The following RPGR variants were observed in gnomAD, a reference collection of about 807,000 sequenced individuals.
RPGR encodes X-linked retinitis pigmentosa GTPase regulator.
In RPGR, 10 loss-of-function variants were observed where a neutral mutation model predicts 56.3. That is an observed-to-expected ratio of 0.18 (90% CI 0.11 to 0.30). RPGR has a LOEUF of 0.30. Ranked by LOEUF, RPGR falls within the 10% of genes least tolerant of loss-of-function variation. The pLI is 1.00. For missense variants in RPGR, 538 were observed against 590.9 expected, an observed-to-expected ratio of 0.91 and a Z score of 0.93; for synonymous variants, 197 against 212.9, an observed-to-expected ratio of 0.93 and a Z score of 0.65.
rs749751387 is a variant in RPGR at position 38,314,962 on chromosome X, T to A, written c.619+2354A>T. 3.6e-5 allele frequency among the ~76,000 whole-genome samples: 4 copies of A among 111,772 alleles called. No homozygotes were observed. The East Asian group carries it at 1.1e-3, about 31-fold the overall frequency. ...TATCAAAGAGATATCTGCACTCCCATGTTTGTTGCAGCACTGTTCACAATA... is the reference window on the plus strand; with the variant it reads ...TATCAAAGAGATATCTGCACTCCCAAGTTTGTTGCAGCACTGTTCACAATA... On this transcript the variant is annotated intron_variant, in intron 6 of 18. Transcript: ENST00000642395.
intron 18 of RPGR, among the ~76,000 whole-genome samples, chrX:38,271,768 A>C (rs1467665828): frequency 8.9e-6 from 1 of 112,346 alleles, no homozygotes; most frequent in Non-Finnish European, 1.9e-5. Flanking sequence ...CTCACAATAC[A>C]AATTTCAAAA....
intron 6 of RPGR, among the ~76,000 whole-genome samples, chrX:38,311,152 AAATG>A (rs1415839334): frequency 3.5e-5 from 4 of 112,719 alleles, no homozygotes; most frequent in Admixed American, 9.4e-5. Context: ...TTTGTGGAAT[AAATG>A]AATGAATAAT....
intron 15 of RPGR, chrX:38,285,435 A>C: frequency 8.6e-7 from 1 of 1,164,008 alleles, no homozygotes; most frequent in Non-Finnish European, 1.1e-6. Flanking sequence ...ACTACACATA[A>C]AATAATTGAC....
At chrX:38,276,223 C>T (rs2066931895) in intron 16 of RPGR, among the ~76,000 whole-genome samples, 1 of 111,937 alleles carries the variant, frequency 8.9e-6, no homozygotes, top group Non-Finnish European at 1.9e-5. Context: ...TACACATACA[C>T]ACCCCATTTC....
chrX:38,312,431 A>T (rs2067736146), intron 6 of RPGR, among the ~76,000 whole-genome samples: 1 of 111,355 alleles, frequency 9.0e-6, no homozygotes, highest in Non-Finnish European at 1.9e-5. Flanking sequence ...ATACCCACAC[A>T]ATATCAGATG....
At chrX:38,290,686 T>C (rs1042171901) in intron 13 of RPGR, among the ~76,000 whole-genome samples, 1 of 111,708 alleles carries the variant, frequency 9.0e-6, no homozygotes, top group Admixed American at 9.6e-5. Context: ...AACCTATGGC[T>C]TGACAGAAGG....
chrX:38,302,175 G>A (rs2067513256), intron 8 of RPGR, among the ~76,000 whole-genome samples: 1 of 111,710 alleles, frequency 9.0e-6, no homozygotes, highest in South Asian at 3.7e-4. Context: ...CAGCTATTAC[G>A]AACCTTCACA....
intron 7 of RPGR, among the ~76,000 whole-genome samples, chrX:38,309,065 ACTAC>A (rs1352666802): frequency 1.2e-4 from 14 of 112,313 alleles, no homozygotes; most frequent in South Asian, 7.3e-4. Flanking sequence ...ATAATAATTC[ACTAC>A]CTAATTGTAT....
intron 13 of RPGR, among the ~76,000 whole-genome samples, chrX:38,288,997 G>A (rs1323190917): frequency 3.6e-5 from 4 of 110,546 alleles, no homozygotes; most frequent in Non-Finnish European, 7.6e-5. Flanking sequence ...GGCCAGGCTA[G>A]TCTCGAACTT....
intron 6 of RPGR, among the ~76,000 whole-genome samples, chrX:38,313,296 A>G (rs1349226175): frequency 9.0e-6 from 1 of 111,614 alleles, no homozygotes; most frequent in Non-Finnish European, 1.9e-5. Context: ...GTTACCAATC[A>G]TGGTCTGCTG....
chrX:38,286,095 C>G (rs2067142548), intron 15 of RPGR: 1 of 468,549 alleles, frequency 2.1e-6, no homozygotes, highest in African/African-American at 5.3e-5. Flanking sequence ...CTTCTCCTTC[C>G]TCTTCCCCCT....
intron 6 of RPGR, among the ~76,000 whole-genome samples, chrX:38,315,020 A>G (rs2067791494): frequency 9.0e-6 from 1 of 111,564 alleles, no homozygotes; most frequent in African/African-American, 3.3e-5. Context: ...AGTGTTCATC[A>G]ATAGATGACT....
At chrX:38,276,835 T>G in intron 15 of RPGR, 7 of 902,680 alleles carry the variant, frequency 7.8e-6, no homozygotes, top group Non-Finnish European at 1.1e-5. Flanking sequence ...AGGGATTTGA[T>G]ATTGCTGTCA....
intron 13 of RPGR, among the ~76,000 whole-genome samples, chrX:38,289,335 G>A (rs1347580890): frequency 9.0e-6 from 1 of 111,604 alleles, no homozygotes; most frequent in Non-Finnish European, 1.9e-5. Context: ...ATAAATGAAA[G>A]AACACTAAGG....
In RPGR at chrX:38,301,241, C is replaced by T. The variant is rs377731326; in HGVS notation, c.1059+6G>A. 313 of 1,189,793 alleles carry T rather than the reference C, an allele frequency of 2.6e-4. No individual in the cohort carries two copies. The highest frequency in any genetic ancestry group is 1.4e-3 in the Middle Eastern group (6 of 4,283). ...AAATATAAACAGGGAAATGTGATGCCCTTACCAATTTAACTATAAACCTCA... is the reference window on the plus strand; with the variant it reads ...AAATATAAACAGGGAAATGTGATGCTCTTACCAATTTAACTATAAACCTCA... On this transcript the variant is annotated splice_donor_region_variant and intron_variant, in intron 9 of 18. Transcript: ENST00000642395.
intron 6 of RPGR, among the ~76,000 whole-genome samples, chrX:38,311,080 AT>A (rs2067707909): frequency 8.9e-6 from 1 of 112,532 alleles, no homozygotes; most frequent in East Asian, 2.8e-4. Context: ...AAAAACATGA[AT>A]TTTGTCTTGC....
At chrX:38,322,996 TAAG>T in intron 2 of RPGR, 51 bp from the exon 3 acceptor site, 2 of 895,615 alleles carry the variant, frequency 2.2e-6, no homozygotes, top group Non-Finnish European at 3.3e-6. Flanking sequence ...TCACATAATG[TAAG>T]ATGAGGTCAC....
Position 38,327,305 on chromosome X carries a change from CCCGGCCTT to C in RPGR, c.28+27_28+34del, listed in dbSNP as rs949660393. 3 of 1,170,317 alleles carry C rather than the reference CCCGGCCTT, an allele frequency of 2.6e-6. No homozygotes were observed. In the African/African-American group the frequency reaches 5.3e-5, roughly 21 times the overall value. On this transcript the variant is annotated intron_variant, in intron 1 of 18. Transcript: ENST00000642395. ...GCCCGGCCGCCCGCGGACCCTCCCT[CCCGGCCTT>C]CCGCCACCGGCGCGGGCGCAACTCA...
Position 38,297,469 on chromosome X carries a change from T to A in RPGR, c.1246-17A>T. The stretch of plus-strand genomic sequence containing the variant: ...AGACCTCTCCTTTAAAATAAGCAGG[T>A]TAAACAAACTATTTCATGATGTTAT... On this transcript the variant is annotated splice_polypyrimidine_tract_variant and intron_variant, in intron 10 of 18. Transcript: ENST00000642395. 1.7e-6 allele frequency: 2 copies of A among 1,170,074 alleles called. No individual in the cohort carries two copies.
Sources: gnomAD v4.1 joint callset for allele counts (sites outside exome capture counted in the v4.1 genomes callset) on GRCh38, gnomAD v4.1.1 for gene constraint, MANE v1.5 for transcripts, NCBI Gene and HGNC (gene_info 2026-07-23, HGNC 2026-07-21) for gene names.